MICAL2: variants seen among roughly 807,000 people sequenced by gnomAD.
MICAL2 encodes the protein [F-actin]-monooxygenase MICAL2.
MICAL2 carries 77 observed loss-of-function variants against 127.3 expected under a neutral mutation model. That is an observed-to-expected ratio of 0.60 (90% CI 0.50 to 0.73). MICAL2 has a LOEUF of 0.73. MICAL2 is among the 30% of genes least tolerant of loss of function. MICAL2 has a pLI of 0.00. For synonymous variants in MICAL2, 570 were observed against 551.1 expected (o/e 1.03, Z -0.48); for missense variants, 1,351 against 1,434.4 (o/e 0.94, Z 0.94).
chr11:12,294,877 T>C, downstream of MICAL2: 3 of 1,452,978 alleles, frequency 2.1e-6, no homozygotes, highest in Non-Finnish European at 2.7e-6. Flanking sequence ...TCTGTCCTGA[T>C]AAATGTCTGC....
At chr11:12,220,960 G>T (rs1015398535) in intron 9 of MICAL2, among the ~76,000 whole-genome samples, 1 of 152,268 alleles carries the variant, frequency 6.6e-6, no homozygotes, top group African/African-American at 2.4e-5. Context: ...TTTTCAGAAA[G>T]GAGAAAGTTT....
intron 24 of MICAL2, 102 bp from the exon 25 acceptor site, chr11:12,258,366 A>T: frequency 1.1e-6 from 1 of 872,700 alleles, no homozygotes; most frequent in Non-Finnish European, 1.9e-6. Flanking sequence ...TTCCATCGTT[A>T]CTATTTTCTG....
intron 5 of MICAL2, among the ~76,000 whole-genome samples, chr11:12,208,583 GT>G (rs1855029896): frequency 6.6e-6 from 1 of 152,210 alleles, no homozygotes; most frequent in Non-Finnish European, 1.5e-5. Flanking sequence ...GGTTCAAGAT[GT>G]TATTTGGTAT....
At chr11:12,313,961 A>ATTTTTTTTTTTTTTCTTTTT (rs1864202793) in intron 29 of MICAL2, among the ~76,000 whole-genome samples, 1 of 43,792 alleles carries the variant, frequency 2.3e-5, no homozygotes. Context: ...TCTTGGTCTG[A>ATTTTTTTTTTTTTTCTTTTT]TTTTTTTTTT....
intron 6 of MICAL2, 65 bp from the exon 7 acceptor site, chr11:12,213,190 A>G: frequency 6.6e-7 from 1 of 1,517,214 alleles, no homozygotes; most frequent in South Asian, 1.3e-5. Flanking sequence ...CTCTCCCAAT[A>G]ATCATTTTCA....
In MICAL2 at chr11:12,113,743, T is replaced by A. The variant is rs192445757; in HGVS notation, c.-149+3017T>A. Among the ~76,000 whole-genome samples the A allele has an allele frequency of 8.5e-5, 13 of 152,336 alleles. No homozygotes were observed. In the East Asian group the frequency reaches 2.5e-3, roughly 29 times the overall value. ...TTTGTAAAGAAAACTTAATCGCTCCTGTATGTATAGAAAAAAACACAGCAT... is the reference window on the plus strand; with the variant it reads ...TTTGTAAAGAAAACTTAATCGCTCCAGTATGTATAGAAAAAAACACAGCAT... On this transcript the variant is annotated intron_variant, in intron 1 of 27. Transcript: ENST00000683283.
At chr11:12,196,966 T>C (rs537939646) in intron 3 of MICAL2, among the ~76,000 whole-genome samples, 4 of 152,218 alleles carry the variant, frequency 2.6e-5, no homozygotes, top group Non-Finnish European at 5.9e-5. Flanking sequence ...ATGGTCTATC[T>C]CCTGGAGGGA....
intron 3 of MICAL2, among the ~76,000 whole-genome samples, chr11:12,167,542 C>T (rs1040388915): frequency 1.3e-5 from 2 of 152,168 alleles, no homozygotes; most frequent in African/African-American, 2.4e-5. Context: ...CTGACATTCC[C>T]GACCTCTGAA....
At chr11:12,255,468 A>G (rs779798405) in intron 22 of MICAL2, 175 bp from the exon 23 acceptor site, 2 of 602,056 alleles carry the variant, frequency 3.3e-6, no homozygotes, top group Non-Finnish European at 6.0e-6. Context: ...TCTTTTCTCC[A>G]CCTCCAGAAT....
intron 1 of MICAL2, among the ~76,000 whole-genome samples, chr11:12,277,310 G>A (rs1125740): frequency 0.4 from 60,367 of 151,532 alleles, 12,896 homozygotes; most frequent in East Asian, 0.77. Context: ...GCACAGTGCT[G>A]CTCCAGTGCC....
chr11:12,228,688 A>T (rs996670620), intron 15 of MICAL2, among the ~76,000 whole-genome samples: 1 of 152,194 alleles, frequency 6.6e-6, no homozygotes, highest in African/African-American at 2.4e-5. Flanking sequence ...CGGGAAGCCC[A>T]CGGAGGAGAG....
intron 22 of MICAL2, chr11:12,250,320 T>C (rs1185871490): frequency 3.3e-5 from 5 of 152,226 alleles, no homozygotes; most frequent in African/African-American, 1.2e-4. Flanking sequence ...GATGTTTGAA[T>C]ACAGGCATGC....
intron 3 of MICAL2, among the ~76,000 whole-genome samples, chr11:12,165,507 C>T (rs1848511855): frequency 6.6e-6 from 1 of 152,232 alleles, no homozygotes; most frequent in East Asian, 1.9e-4. Flanking sequence ...ACAGGTTTGT[C>T]AGGTACCAGG....
intron 1 of MICAL2, among the ~76,000 whole-genome samples, chr11:12,278,798 T>A (rs1863744966): frequency 6.6e-6 from 1 of 152,166 alleles, no homozygotes; most frequent in African/African-American, 2.4e-5. Context: ...ATGGCTGGTA[T>A]GGTCATTTCT....
At chr11:12,351,841 A>G (rs562039695) in intron 33 of MICAL2, among the ~76,000 whole-genome samples, 1 of 150,588 alleles carries the variant, frequency 6.6e-6, no homozygotes, top group East Asian at 2.0e-4. Context: ...CCCTGGCTGG[A>G]GTGCAGTGGT....
At chr11:12,129,165 G>A (rs1192069718) in intron 1 of MICAL2, among the ~76,000 whole-genome samples, 1 of 152,074 alleles carries the variant, frequency 6.6e-6, no homozygotes, top group Admixed American at 6.5e-5. Context: ...GAAGACTTGT[G>A]CCTTGTCCTA....
downstream of MICAL2, among the ~76,000 whole-genome samples, chr11:12,360,195 TGCC>T (rs1939187783): frequency 4.9e-5 from 1 of 20,604 alleles, no homozygotes; most frequent in East Asian, 0.028. Flanking sequence ...CCTACCTACC[TGCC>T]TACCTATGAA....
intron 33 of MICAL2, among the ~76,000 whole-genome samples, chr11:12,351,846 A>C (rs1243386608): frequency 6.6e-6 from 1 of 151,274 alleles, no homozygotes; most frequent in Non-Finnish European, 1.5e-5. Context: ...GCTGGAGTGC[A>C]GTGGTGTGAT....
chr11:12,139,827 A>C (rs1009899266), intron 2 of MICAL2, among the ~76,000 whole-genome samples: 5 of 152,078 alleles, frequency 3.3e-5, no homozygotes, highest in Non-Finnish European at 5.9e-5. Flanking sequence ...GAGTGTGAGC[A>C]ATTCTGGCTG....
Sources: gnomAD v4.1 joint callset for allele counts (sites outside exome capture counted in the v4.1 genomes callset) on GRCh38, gnomAD v4.1.1 for gene constraint, MANE v1.5 for transcripts, NCBI Gene and HGNC (gene_info 2026-07-23, HGNC 2026-07-21) for gene names.